The following LGMN variants were observed in gnomAD, a reference collection of about 807,000 sequenced individuals.
LGMN encodes the protein asparaginyl endopeptidase.
Under a neutral mutation model 56.8 loss-of-function variants are expected in LGMN, and 36 were observed. That is an observed-to-expected ratio of 0.63 (90% CI 0.49 to 0.84). The LOEUF (loss-of-function observed/expected upper bound fraction) is 0.84, where lower values mean the gene tolerates loss of function less well. LGMN is among the 40% of genes least tolerant of loss of function. The pLI is 0.00. For missense variants in LGMN, 446 were observed against 556.1 expected (o/e 0.80, Z 1.99); for synonymous variants, 199 against 210.1 (o/e 0.95, Z 0.46).
At chr14:92,713,223 A>T (rs1045363288) in intron 7 of LGMN, among the ~76,000 whole-genome samples, 8 of 151,814 alleles carry the variant, frequency 5.3e-5, no homozygotes, top group African/African-American at 1.7e-4. Flanking sequence ...CACCCAACCC[A>T]TGCAGGTTTT....
chr14:92,724,527 A>C (rs1212451125), intron 2 of LGMN, among the ~76,000 whole-genome samples: 1 of 152,246 alleles, frequency 6.6e-6, no homozygotes, highest in Non-Finnish European at 1.5e-5. Context: ...GGTGTTACTG[A>C]CTACTTGTAT....
At chr14:92,741,753 C>A (rs1891563895) in intron 1 of LGMN, 1 of 152,232 alleles carries the variant, frequency 6.6e-6, no homozygotes, top group Admixed American at 6.5e-5. Flanking sequence ...ATCCCAGCTA[C>A]TCGGGAGGCT....
intron 10 of LGMN, among the ~76,000 whole-genome samples, chr14:92,711,062 T>G (rs1219462668): frequency 6.6e-6 from 1 of 152,210 alleles, no homozygotes; most frequent in Non-Finnish European, 1.5e-5. Context: ...TTACGGTGTT[T>G]GCACATCCCA....
At position 92,704,726 on chromosome 14, in the gene LGMN, G is replaced by T. The variant is rs754031313; in HGVS notation, c.1192-19C>A. ...ACTCGTACTGGGAGAAAACAAACGAGAAGAATGAAACTTCCTCATCTCACC... is the reference window on the plus strand; with the variant it reads ...ACTCGTACTGGGAGAAAACAAACGATAAGAATGAAACTTCCTCATCTCACC... On this transcript the variant is annotated intron_variant, in intron 12 of 13. Transcript: ENST00000334869. The T allele has an allele frequency of 2.5e-6, 4 of 1,604,108 alleles. No individual in the cohort carries two copies. The South Asian group carries it at 4.4e-5, about 18-fold the overall frequency.
At chr14:92,717,849 T>TA (rs1890149474) in intron 3 of LGMN, among the ~76,000 whole-genome samples, 1 of 152,200 alleles carries the variant, frequency 6.6e-6, no homozygotes, top group African/African-American at 2.4e-5. Context: ...GCTTAGGCGT[T>TA]AAAGCGTCAG....
chr14:92,728,659 CA>C (rs1459346077), intron 2 of LGMN, among the ~76,000 whole-genome samples: 1 of 151,818 alleles, frequency 6.6e-6, no homozygotes, highest in African/African-American at 2.4e-5. Flanking sequence ...ATTTTTAATA[CA>C]AAAAAAGGAA....
chr14:92,710,029 TC>T (rs1196276886), intron 10 of LGMN, among the ~76,000 whole-genome samples, 157 bp from the exon 11 acceptor site: 1 of 152,016 alleles, frequency 6.6e-6, no homozygotes, highest in African/African-American at 2.4e-5. Flanking sequence ...TCACATTTAC[TC>T]CTCATGCTTT....
chr14:92,711,873 G>C lies in LGMN; in HGVS notation c.693C>G (p.Asp231Glu). Reference sequence around the variant, plus strand: ...CTTCCATCCAGTTGACGCTGTACCAGTCCCCCAGGTACGTGGACCTCTTCT... The same window carrying C: ...CTTCCATCCAGTTGACGCTGTACCACTCCCCCAGGTACGTGGACCTCTTCT... Reference protein sequence around the residue: ...YDEKRSTYLGDWYSVNWMEDS... With the variant: ...YDEKRSTYLGEWYSVNWMEDS... Residue 231 changes from aspartate to glutamate, a missense_variant, in exon 9 of 14, where the codon GAC (aspartate) becomes GAG (glutamate). Asp to Glu is a conservative substitution (Grantham distance 45). Coordinates refer to ENST00000334869, the MANE Select transcript of LGMN (RefSeq NM_005606.7). The C allele has an allele frequency of 3.1e-6, 5 of 1,614,100 alleles. No individual in the cohort carries two copies. The highest frequency in any genetic ancestry group is 3.4e-6 in the Non-Finnish European group (4 of 1,179,924).
At chr14:92,716,690 G>C (rs1252201991) in intron 4 of LGMN, among the ~76,000 whole-genome samples, 1 of 152,008 alleles carries the variant, frequency 6.6e-6, no homozygotes, top group Non-Finnish European at 1.5e-5. Flanking sequence ...TTTTTTACCT[G>C]TATGATATGT....
intron 2 of LGMN, among the ~76,000 whole-genome samples, chr14:92,724,032 C>T (rs1037456691): frequency 6.6e-6 from 1 of 152,108 alleles, no homozygotes; most frequent in Non-Finnish European, 1.5e-5. Context: ...ACCCGGCCTG[C>T]CCAAAGGATC....
chr14:92,704,206 G>T lies in LGMN; in HGVS notation c.*113C>A, dbSNP rs759584649. ...TCCTGGAGCGAGCCCTGGAGCGGGG[G>T]CTCCCCAGGAGGGCCCGAGCAGCGG... On this transcript the variant is annotated 3_prime_UTR_variant, in exon 14 of 14. Coordinates refer to ENST00000334869, the MANE Select transcript of LGMN (RefSeq NM_005606.7). The T allele has an allele frequency of 1.5e-6, 2 of 1,361,516 alleles. No individual in the cohort carries two copies. Among genetic ancestry groups the T allele is most frequent in the Admixed American group, 3.4e-5 (2 of 59,460 alleles). The allele number at this position is 1,361,516 out of a possible 1,614,324, so 84.3% of individuals were successfully genotyped here. A position where few individuals can be genotyped will look rare whatever the true frequency, so the allele number is the denominator to read the frequency against.
At chr14:92,711,524 T>C in intron 10 of LGMN, 135 bp downstream of exon 10, 1 of 813,180 alleles carries the variant, frequency 1.2e-6, no homozygotes, top group South Asian at 1.5e-5. Flanking sequence ...TGGAGTGGCA[T>C]GAGAGGCAGA....
At chr14:92,740,627 G>A (rs1179753731) in intron 1 of LGMN, among the ~76,000 whole-genome samples, 1 of 152,242 alleles carries the variant, frequency 6.6e-6, no homozygotes, top group Non-Finnish European at 1.5e-5. Flanking sequence ...GCACAGAGCA[G>A]GCCCTCACAG....
At chr14:92,744,457 T>C (rs1891723124) in intron 1 of LGMN, among the ~76,000 whole-genome samples, 1 of 152,224 alleles carries the variant, frequency 6.6e-6, no homozygotes, top group Non-Finnish European at 1.5e-5. Flanking sequence ...CAATTCAGTA[T>C]TTCTAATCTA....
Position 92,734,278 on chromosome 14 carries a change from G to A in LGMN, c.-29-1463C>T, listed in dbSNP as rs116453989. ...AGAGCTGGGACCATGCCTTCTGAAC[G>A]GCTGGTCCGGCACTCTTTCTGCTAT... On this transcript the variant is annotated intron_variant, in intron 1 of 13. Transcript: ENST00000334869. Among the ~76,000 whole-genome samples, 1,407 of 152,300 alleles carry A rather than the reference G, an allele frequency of 9.2e-3. 16 individuals are homozygous for A. Among genetic ancestry groups the A allele is most frequent in the African/African-American group, 0.032 (1,336 of 41,550 alleles).
At chr14:92,709,429 G>A (rs1224078410) in intron 11 of LGMN, among the ~76,000 whole-genome samples, 1 of 152,180 alleles carries the variant, frequency 6.6e-6, no homozygotes, top group East Asian at 1.9e-4. Context: ...TACGATACAG[G>A]GGAGATAGGC....
chr14:92,704,791 A>C, intron 12 of LGMN, 84 bp from the exon 13 acceptor site: 1 of 1,074,796 alleles, frequency 9.3e-7, no homozygotes, highest in South Asian at 1.2e-5. Flanking sequence ...GAGGGGAAGC[A>C]TCTTGACCAG....
At chr14:92,704,529 T>A in intron 13 of LGMN, 111 bp downstream of exon 13, 2 of 1,102,858 alleles carry the variant, frequency 1.8e-6, no homozygotes, top group Non-Finnish European at 2.8e-6. Context: ...AGAGGAAAGC[T>A]GGAGGGAGCT....
At chr14:92,743,447 G>A (rs1473733510) in intron 1 of LGMN, among the ~76,000 whole-genome samples, 1 of 151,694 alleles carries the variant, frequency 6.6e-6, no homozygotes, top group African/African-American at 2.4e-5. Flanking sequence ...AGCTTGCAGT[G>A]AGCCAGGATT....
Sources: allele counts gnomAD v4.1 joint callset (sites outside exome capture counted in the v4.1 genomes callset), GRCh38; gene constraint gnomAD v4.1.1; transcripts MANE v1.5; gene names NCBI Gene and HGNC (gene_info 2026-07-23, HGNC 2026-07-21).